CNTN1: variants seen among roughly 807,000 people sequenced by gnomAD.
The protein encoded by CNTN1 is contactin 1.
CNTN1 carries 38 observed loss-of-function variants against 126.4 expected under a neutral mutation model. The observed-to-expected ratio is 0.30, with a 90% CI of 0.23 to 0.39. The LOEUF (loss-of-function observed/expected upper bound fraction) is 0.39. Ranked by LOEUF, CNTN1 falls within the 10% of genes least tolerant of loss-of-function variation. The probability of loss-of-function intolerance (pLI) is 1.00; values close to 1 mark genes in which losing one functional copy is unlikely to be tolerated. For synonymous variants in CNTN1, 413 were observed against 422.6 expected (o/e 0.98, Z 0.28); for missense variants, 1,009 against 1,248.4 (o/e 0.81, Z 2.89).
At chr12:40,764,318 G>T (rs1938991011) in intron 1 of CNTN1, among the ~76,000 whole-genome samples, 1 of 152,148 alleles carries the variant, frequency 6.6e-6, no homozygotes. Context: ...AAAGAGATTA[G>T]CCTCAACTCC....
chr12:40,700,910 C>T (rs1015660038), intron 1 of CNTN1, among the ~76,000 whole-genome samples: 1 of 152,100 alleles, frequency 6.6e-6, no homozygotes, highest in African/African-American at 2.4e-5. Flanking sequence ...CTTTACAAAA[C>T]CAGTGAAAAG....
At chr12:40,983,924 TTTA>T (rs1947885870) in intron 16 of CNTN1, among the ~76,000 whole-genome samples, 1 of 97,852 alleles carries the variant, frequency 1.0e-5, no homozygotes, top group South Asian at 3.1e-4. Flanking sequence ...TATAGCATAT[TTTA>T]TTATATGCTA....
At chr12:40,934,025 T>C (rs1259140316) in intron 9 of CNTN1, 147 bp downstream of exon 9, 3 of 702,696 alleles carry the variant, frequency 4.3e-6, no homozygotes, top group Non-Finnish European at 7.2e-6. Context: ...ATATTTCTCA[T>C]ATGTCTAATG....
chr12:40,909,032 A>C (rs1944933796), intron 2 of CNTN1, among the ~76,000 whole-genome samples: 1 of 152,158 alleles, frequency 6.6e-6, no homozygotes, highest in South Asian at 2.1e-4. Context: ...CTGATTCACA[A>C]AATTTCTGAA....
intron 1 of CNTN1, among the ~76,000 whole-genome samples, chr12:40,738,476 A>C (rs1340661681): frequency 1.3e-5 from 2 of 152,100 alleles, no homozygotes; most frequent in African/African-American, 4.8e-5. Flanking sequence ...AAATTACAGA[A>C]AGCAAAAGGG....
intron 15 of CNTN1, among the ~76,000 whole-genome samples, chr12:40,962,369 T>C (rs552478049): frequency 2.8e-4 from 42 of 152,146 alleles, no homozygotes; most frequent in Non-Finnish European, 5.0e-4. Flanking sequence ...TTTTAATTTA[T>C]TCCTTGCCTT....
rs191054465 is a variant in CNTN1 at position 41,058,072 on chromosome 12, A to C, written c.2981-11887A>C. 3.4e-3 allele frequency among the ~76,000 whole-genome samples: 525 copies of C among 152,204 alleles called. 2 individuals are homozygous for C. Among genetic ancestry groups the C allele is most frequent in the African/African-American group, 0.012 (489 of 41,540 alleles). ...TGGCAGGAATAGGGAGTATAGAGGGAGAGAGAAGTGGTCCTGTGACAAACG... is the reference window on the plus strand; with the variant it reads ...TGGCAGGAATAGGGAGTATAGAGGGCGAGAGAAGTGGTCCTGTGACAAACG... On this transcript the variant is annotated intron_variant, in intron 23 of 23. Transcript: ENST00000551295.
intron 1 of CNTN1, among the ~76,000 whole-genome samples, chr12:40,872,701 G>A (rs1237802685): frequency 6.6e-6 from 1 of 150,498 alleles, no homozygotes; most frequent in East Asian, 2.0e-4. Context: ...CTCCTGAGTA[G>A]CTGAGATTAC....
intron 1 of CNTN1, among the ~76,000 whole-genome samples, chr12:40,797,898 C>G (rs981383647): frequency 1.3e-5 from 2 of 151,978 alleles, no homozygotes; most frequent in Non-Finnish European, 2.9e-5. Flanking sequence ...ATAGGGAGAA[C>G]TGGAAGATGA....
At chr12:40,844,976 C>G (rs973839348) in intron 1 of CNTN1, among the ~76,000 whole-genome samples, 1 of 152,242 alleles carries the variant, frequency 6.6e-6, no homozygotes, top group Admixed American at 6.5e-5. Context: ...AAAGAAAAAG[C>G]ACTCTTCTGT....
chr12:40,972,344 T>A, intron 15 of CNTN1: 2 of 985,036 alleles, frequency 2.0e-6, no homozygotes, highest in African/African-American at 3.5e-5. Context: ...AATGTTATTG[T>A]TTGAAAATAC....
At chr12:40,762,377 CAAGGAAT>C (rs1292777492) in intron 1 of CNTN1, among the ~76,000 whole-genome samples, 5 of 59,538 alleles carry the variant, frequency 8.4e-5, no homozygotes, top group African/African-American at 2.5e-4. Flanking sequence ...GATGATAAGA[CAAGGAAT>C]TGGTCCATGG....
intron 1 of CNTN1, among the ~76,000 whole-genome samples, chr12:40,840,340 T>C (rs34435345): frequency 0.16 from 23,690 of 151,918 alleles, 1,848 homozygotes; most frequent in Middle Eastern, 0.21. Flanking sequence ...TACCCAGATT[T>C]ATAAAGAAAA....
At position 40,786,481 on chromosome 12, in the gene CNTN1, T is replaced by G. The variant is rs186078450; in HGVS notation, c.-77+93889T>G. On this transcript the variant is annotated intron_variant, in intron 1 of 23. Transcript: ENST00000551295. Reference sequence around the variant, plus strand: ...GGCATGTCCATGGATCTTTCCAAGGTGATCCCTTCATTTTTGGCTTCTGCT... The same window carrying G: ...GGCATGTCCATGGATCTTTCCAAGGGGATCCCTTCATTTTTGGCTTCTGCT... Among the ~76,000 whole-genome samples the G allele has an allele frequency of 4.8e-3, 735 of 152,290 alleles. 2 individuals carry two copies. The highest frequency in any genetic ancestry group is 0.016 in the African/African-American group (669 of 41,580).
chr12:40,983,115 G>C (rs1947864047), intron 16 of CNTN1, among the ~76,000 whole-genome samples: 1 of 151,992 alleles, frequency 6.6e-6, no homozygotes. Context: ...AGTAAATAGG[G>C]TACTTCTGAT....
At chr12:40,874,466 A>G (rs1229541035) in intron 1 of CNTN1, among the ~76,000 whole-genome samples, 2 of 152,098 alleles carry the variant, frequency 1.3e-5, no homozygotes, top group African/African-American at 4.8e-5. Flanking sequence ...TTCATTATAG[A>G]TGTGTATATT....
At chr12:40,740,720 G>A (rs776945002) in intron 1 of CNTN1, among the ~76,000 whole-genome samples, 5 of 152,024 alleles carry the variant, frequency 3.3e-5, no homozygotes, top group African/African-American at 4.8e-5. Flanking sequence ...CTGTGGGAGG[G>A]ACCCAGTGGG....
chr12:40,719,525 A>G (rs1248998180), intron 1 of CNTN1, among the ~76,000 whole-genome samples: 1 of 152,254 alleles, frequency 6.6e-6, no homozygotes, highest in Admixed American at 6.5e-5. Flanking sequence ...AAGAAGCAGT[A>G]GCTTTTATGA....
intron 1 of CNTN1, among the ~76,000 whole-genome samples, chr12:40,776,616 C>T (rs1481750482): frequency 2.0e-5 from 3 of 151,708 alleles, no homozygotes; most frequent in Non-Finnish European, 4.4e-5. Context: ...AAAAATCTTT[C>T]TCTATCCCTA....
Sources: allele counts gnomAD v4.1 joint callset (sites outside exome capture counted in the v4.1 genomes callset), GRCh38; gene constraint gnomAD v4.1.1; transcripts MANE v1.5; gene names NCBI Gene and HGNC (gene_info 2026-07-23, HGNC 2026-07-21).